The following TG variants were observed in gnomAD, a reference collection of about 807,000 sequenced individuals.
TG encodes the protein thyroglobulin.
Under a neutral mutation model 324.7 loss-of-function variants are expected in TG, and 270 were observed. That is an observed-to-expected ratio of 0.83 (90% CI 0.75 to 0.92). TG has a LOEUF of 0.92. Among genes scored for constraint, TG ranks in the 40% least tolerant of loss-of-function variants. The probability of loss-of-function intolerance (pLI) is 0.00; values close to 1 mark genes in which losing one functional copy is unlikely to be tolerated. For synonymous variants in TG, 1,401 were observed against 1,327.0 expected, an observed-to-expected ratio of 1.06 and a Z score of -1.21; for missense variants, 3,591 against 3,456.4, an observed-to-expected ratio of 1.04 and a Z score of -0.98.
chr8:133,121,818 C>G (rs1311558291), intron 45 of TG, among the ~76,000 whole-genome samples: 1 of 152,192 alleles, frequency 6.6e-6, no homozygotes, highest in Admixed American at 6.5e-5. Flanking sequence ...TTGACAACCC[C>G]CTGTGTAGAT....
At chr8:132,922,914 G>A (rs142711255) in intron 21 of TG, among the ~76,000 whole-genome samples, 11 of 152,302 alleles carry the variant, frequency 7.2e-5, no homozygotes, top group African/African-American at 2.4e-4. Flanking sequence ...TTGGCAGGTG[G>A]CACCCATAGA....
chr8:132,935,422 G>T (rs528517129), intron 24 of TG, among the ~76,000 whole-genome samples: 2 of 152,160 alleles, frequency 1.3e-5, no homozygotes, highest in Admixed American at 1.3e-4. Flanking sequence ...GGGATTACAG[G>T]TGTGAGCCAC....
At chr8:132,918,672 G>A (rs1186665632) in intron 20 of TG, among the ~76,000 whole-genome samples, 1 of 152,190 alleles carries the variant, frequency 6.6e-6, no homozygotes, top group Non-Finnish European at 1.5e-5. Context: ...ATGAATGAAT[G>A]GAGCTCAAAT....
intron 34 of TG, among the ~76,000 whole-genome samples, chr8:132,973,311 G>A (rs1313040630): frequency 6.6e-6 from 1 of 152,204 alleles, no homozygotes; most frequent in Non-Finnish European, 1.5e-5. Flanking sequence ...TAGTCCCATG[G>A]AGGAAAACGG....
chr8:133,021,928 G>A (rs1455301834), intron 39 of TG, 63 bp from the exon 40 acceptor site: 2 of 1,605,782 alleles, frequency 1.2e-6, no homozygotes, highest in African/African-American at 1.3e-5. Flanking sequence ...CAAGAATCAG[G>A]CTCCAAGCAT....
intron 35 of TG, among the ~76,000 whole-genome samples, chr8:133,008,786 C>T (rs1433548576): frequency 6.6e-6 from 1 of 152,246 alleles, no homozygotes; most frequent in Non-Finnish European, 1.5e-5. Context: ...TGGACAGTGA[C>T]AGTACCCACC....
rs1835174925 is a variant in TG, at chr8:133,017,770, C to T, written c.6563-8C>T. The T allele has an allele frequency of 6.2e-7, 1 of 1,613,952 alleles. No individual in the cohort carries two copies. Among genetic ancestry groups the T allele is most frequent in the Non-Finnish European group, 8.5e-7 (1 of 1,179,852 alleles). ...TTCCTCACCCCTTTCTCTTCCCTTT[C>T]CCAACAGGAATCTCTCTGCTCAGCT... On this transcript the variant is annotated splice_polypyrimidine_tract_variant and splice_region_variant and intron_variant, in intron 37 of 47. Coordinates refer to ENST00000220616, the MANE Select transcript of TG (RefSeq NM_003235.5).
At chr8:133,000,486 A>G (rs1469097300) in intron 35 of TG, among the ~76,000 whole-genome samples, 1 of 152,230 alleles carries the variant, frequency 6.6e-6, no homozygotes, top group African/African-American at 2.4e-5. Context: ...ATTTACTCCA[A>G]GTCACAGAGC....
At chr8:132,939,887 G>A (rs1401491292) in intron 25 of TG, among the ~76,000 whole-genome samples, 2 of 152,098 alleles carry the variant, frequency 1.3e-5, no homozygotes, top group Non-Finnish European at 2.9e-5. Context: ...ATTTGGCCCG[G>A]CTAGTCTTGA....
At chr8:133,076,184 A>C (rs1283033221) in intron 41 of TG, 3 of 152,168 alleles carry the variant, frequency 2.0e-5, no homozygotes, top group Non-Finnish European at 4.4e-5. Flanking sequence ...AGCCCCTCAC[A>C]CCTCACAGAG....
At chr8:132,927,144 C>T (rs1821984275) in intron 22 of TG, among the ~76,000 whole-genome samples, 1 of 152,100 alleles carries the variant, frequency 6.6e-6, no homozygotes, top group South Asian at 2.1e-4. Flanking sequence ...TATGTGTGTG[C>T]ACGTTGTGTG....
intron 11 of TG, among the ~76,000 whole-genome samples, chr8:132,896,825 G>A (rs1186711425): frequency 6.6e-6 from 1 of 152,188 alleles, no homozygotes; most frequent in African/African-American, 2.4e-5. Context: ...GTGCGGAGGA[G>A]ACAAATCTAA....
intron 41 of TG, among the ~76,000 whole-genome samples, chr8:133,087,109 C>T (rs1034447187): frequency 8.1e-6 from 1 of 122,788 alleles, no homozygotes; most frequent in Non-Finnish European, 1.8e-5. Flanking sequence ...CACACACACA[C>T]ACACACACAC....
chr8:133,077,263 A>C (rs1266983324), intron 41 of TG, among the ~76,000 whole-genome samples: 2 of 152,186 alleles, frequency 1.3e-5, no homozygotes, highest in Admixed American at 1.3e-4. Flanking sequence ...GGCAGACAAG[A>C]GAGAGGCCCA....
At chr8:132,934,258 C>T (rs1303333413) in intron 24 of TG, among the ~76,000 whole-genome samples, 2 of 152,070 alleles carry the variant, frequency 1.3e-5, no homozygotes, top group African/African-American at 4.8e-5. Context: ...TCGCTTGAAC[C>T]CGGGAGGTGG....
chr8:133,011,435 C>T (rs1218794931), intron 35 of TG, among the ~76,000 whole-genome samples: 4 of 152,170 alleles, frequency 2.6e-5, no homozygotes, highest in Non-Finnish European at 5.9e-5. Context: ...GTCTAAATGG[C>T]ACCCCACAGT....
chr8:132,886,637 T>G lies in TG; in HGVS notation c.1265T>G (p.Leu422Arg). ...GAGCTCTTTGTGGACTCTGGGCTTC[T>G]CCGCCCAATGGTGGAGGGACAGAGC... Reference protein sequence around the residue: ...IKELFVDSGLLRPMVEGQSQQ... With the variant: ...IKELFVDSGLRRPMVEGQSQQ... The change falls in exon 9 of 48, where the codon CTC becomes CGC. Residue 422 changes from leucine to arginine, a missense_variant. By Grantham distance (102) the Leu-to-Arg change is moderately radical. Transcript: ENST00000220616. 3 of 1,614,212 alleles carry G rather than the reference T, an allele frequency of 1.9e-6. No homozygotes were observed. The highest frequency in any genetic ancestry group is 2.5e-6 in the Non-Finnish European group (3 of 1,180,040).
intron 41 of TG, chr8:133,049,960 G>C (rs1432531062): frequency 6.2e-7 from 1 of 1,613,604 alleles, no homozygotes; most frequent in African/African-American, 1.3e-5. Flanking sequence ...CCAGTGCTAA[G>C]AGAAATAGCT....
chr8:132,884,199 A>G (rs1399400030), intron 8 of TG, among the ~76,000 whole-genome samples: 1 of 152,208 alleles, frequency 6.6e-6, no homozygotes, highest in Non-Finnish European at 1.5e-5. Flanking sequence ...ATAAGGTCAC[A>G]TTCTGTGGTT....
Sources: allele counts gnomAD v4.1 joint callset (sites outside exome capture counted in the v4.1 genomes callset), GRCh38; gene constraint gnomAD v4.1.1; transcripts MANE v1.5; gene names NCBI Gene and HGNC (gene_info 2026-07-23, HGNC 2026-07-21).